Variants in LRRC28 observed in about 807,000 individuals in gnomAD.
The protein encoded by LRRC28 is leucine-rich repeat-containing protein 28.
In LRRC28, 39 loss-of-function variants were observed where a neutral mutation model predicts 45.7. That is an observed-to-expected ratio of 0.85 (90% CI 0.66 to 1.12). LRRC28 has a LOEUF of 1.12. LRRC28 is among the 50% of genes most tolerant of loss of function. LRRC28 has a pLI of 0.00. For missense variants in LRRC28, 435 were observed against 438.5 expected, an observed-to-expected ratio of 0.99 and a Z score of 0.07; for synonymous variants, 206 against 178.8, an observed-to-expected ratio of 1.15 and a Z score of -1.22.
At chr15:99,316,152 G>T (rs933497955) in intron 5 of LRRC28, among the ~76,000 whole-genome samples, 14 of 152,018 alleles carry the variant, frequency 9.2e-5, no homozygotes, top group Non-Finnish European at 2.1e-4. Flanking sequence ...AAAGTTTGTT[G>T]TATCTATGTT....
At chr15:99,380,489 A>G (rs1957786025) in intron 9 of LRRC28, among the ~76,000 whole-genome samples, 1 of 152,188 alleles carries the variant, frequency 6.6e-6, no homozygotes, top group Non-Finnish European at 1.5e-5. Context: ...GACTCTATCC[A>G]ATTTGCCAGT....
At chr15:99,280,866 C>T (rs76684728) in intron 3 of LRRC28, among the ~76,000 whole-genome samples, 3,530 of 152,224 alleles carry the variant, frequency 0.023, 60 homozygotes, top group Non-Finnish European at 0.037. Flanking sequence ...AATACTGTCT[C>T]GTAGTCACTA....
At chr15:99,359,977 T>C (rs1248518371) in intron 7 of LRRC28, among the ~76,000 whole-genome samples, 1 of 152,226 alleles carries the variant, frequency 6.6e-6, no homozygotes, top group Non-Finnish European at 1.5e-5. Flanking sequence ...TCCTTCTGTA[T>C]TTGGGTTCTC....
chr15:99,325,004 A>C (rs1955924604), intron 5 of LRRC28, among the ~76,000 whole-genome samples: 1 of 152,220 alleles, frequency 6.6e-6, no homozygotes, highest in South Asian at 2.1e-4. Flanking sequence ...ATTGTGTTGA[A>C]TCTGCAGATC....
intron 3 of LRRC28, chr15:99,285,596 A>C: frequency 2.9e-6 from 2 of 700,438 alleles, no homozygotes; most frequent in Non-Finnish European, 5.1e-6. Context: ...GGGAGGAGAG[A>C]CTTTAACGAT....
intron 2 of LRRC28, among the ~76,000 whole-genome samples, chr15:99,261,469 G>A (rs2081196232): frequency 6.6e-6 from 1 of 152,080 alleles, no homozygotes; most frequent in African/African-American, 2.4e-5. Context: ...TGTCTGGTGA[G>A]GTCTCTCTTC....
chr15:99,326,072 G>A (rs1052769559), intron 5 of LRRC28, among the ~76,000 whole-genome samples: 6 of 152,186 alleles, frequency 3.9e-5, no homozygotes, highest in South Asian at 2.1e-4. Context: ...GGATTTTGGA[G>A]TGTGGCCTCT....
intron 5 of LRRC28, among the ~76,000 whole-genome samples, chr15:99,326,032 A>C (rs1194271749): frequency 6.6e-6 from 1 of 152,148 alleles, no homozygotes; most frequent in Non-Finnish European, 1.5e-5. Context: ...TCAACAGTAG[A>C]GGTCTCGGAG....
intron 5 of LRRC28, among the ~76,000 whole-genome samples, chr15:99,318,155 TATA>T (rs916592186): frequency 1.3e-5 from 2 of 152,200 alleles, no homozygotes; most frequent in African/African-American, 4.8e-5. Flanking sequence ...AAAAAAATTT[TATA>T]ATGACAGAAC....
chr15:99,368,520 C>A (rs757522410), intron 9 of LRRC28, among the ~76,000 whole-genome samples: 4 of 152,164 alleles, frequency 2.6e-5, no homozygotes, highest in Admixed American at 6.5e-5. Flanking sequence ...CTGGATGAAC[C>A]AAAGAGGTTG....
At chr15:99,276,953 C>T (rs1272820708) in intron 3 of LRRC28, among the ~76,000 whole-genome samples, 1 of 152,110 alleles carries the variant, frequency 6.6e-6, no homozygotes, top group Non-Finnish European at 1.5e-5. Flanking sequence ...ACATGTGATA[C>T]TTGATATAAA....
rs371803946 is a variant in LRRC28 at position 99,268,230 on chromosome 15, C to A, written c.169-8346C>A. On this transcript the variant is annotated intron_variant, in intron 2 of 9. Transcript: ENST00000301981. ...TTTTCCCAGTTAATTTTTGTAAAGT[C>A]TGTGTCTGAGTTTTCCTGTGAATAA... is the stretch of plus-strand genomic sequence containing the variant. Among the ~76,000 whole-genome samples the A allele has an allele frequency of 5.3e-5, 8 of 152,260 alleles. No homozygotes were observed. In the East Asian group the frequency reaches 1.3e-3, roughly 26 times the overall value.
chr15:99,372,461 G>A (rs1338302341), intron 9 of LRRC28, among the ~76,000 whole-genome samples: 1 of 152,142 alleles, frequency 6.6e-6, no homozygotes, highest in Non-Finnish European at 1.5e-5. Context: ...CACAGTTCTG[G>A]ATTTTAAAGG....
intron 5 of LRRC28, among the ~76,000 whole-genome samples, chr15:99,301,147 G>A (rs987552977): frequency 3.3e-5 from 5 of 152,158 alleles, no homozygotes; most frequent in African/African-American, 1.2e-4. Context: ...TAGCATAGTT[G>A]AATATGTATT....
intron 2 of LRRC28, chr15:99,259,233 T>A: frequency 9.5e-7 from 1 of 1,056,336 alleles, no homozygotes; most frequent in Non-Finnish European, 1.5e-6. Context: ...AAAATCTGCC[T>A]CATGGCTGGG....
intron 5 of LRRC28, among the ~76,000 whole-genome samples, chr15:99,300,818 CCTGT>C (rs1032259106): frequency 1.1e-4 from 16 of 151,998 alleles, no homozygotes; most frequent in African/African-American, 2.7e-4. Flanking sequence ...AGAGTGAGAC[CCTGT>C]CTAAGAAAAT....
At chr15:99,297,103 C>T (rs988773314) in intron 5 of LRRC28, among the ~76,000 whole-genome samples, 3 of 151,078 alleles carry the variant, frequency 2.0e-5, no homozygotes, top group African/African-American at 4.9e-5. Flanking sequence ...ATCGCCTGAA[C>T]CCGGGAGGCA....
intron 9 of LRRC28, among the ~76,000 whole-genome samples, chr15:99,367,210 T>G (rs1234939954): frequency 6.6e-6 from 1 of 152,224 alleles, no homozygotes; most frequent in Non-Finnish European, 1.5e-5. Flanking sequence ...CTCCTTCTCA[T>G]GTTCAGTTAA....
chr15:99,360,967 CT>C (rs532602346), intron 7 of LRRC28: 16 of 157,142 alleles, frequency 1.0e-4, no homozygotes, highest in Non-Finnish European at 1.4e-4. Context: ...ACAAAGTACT[CT>C]TTTTTTTTCT....
Sources: allele counts gnomAD v4.1 joint callset (sites outside exome capture counted in the v4.1 genomes callset), GRCh38; gene constraint gnomAD v4.1.1; transcripts MANE v1.5; gene names NCBI Gene and HGNC (gene_info 2026-07-23, HGNC 2026-07-21).